The following SRRM2 variants were observed in gnomAD, a reference collection of about 807,000 sequenced individuals.
SRRM2 encodes serine/arginine repetitive matrix protein 2.
In SRRM2, 30 loss-of-function variants were observed where a neutral mutation model predicts 213.8. The ratio of observed to expected loss-of-function variants is 0.14; its 90% CI spans 0.10 to 0.19. The LOEUF (loss-of-function observed/expected upper bound fraction) is 0.19, where lower values mean the gene tolerates loss of function less well. Ranked by LOEUF, SRRM2 falls within the 10% of genes least tolerant of loss-of-function variation. The pLI is 1.00. For missense variants in SRRM2, 4,904 were observed against 3,647.0 expected (o/e 1.34, Z -8.88); for synonymous variants, 2,025 against 1,377.7 (o/e 1.47, Z -10.40).
Position 2,765,777 on chromosome 16 carries a change from C to G in SRRM2, c.5249C>G (p.Ser1750Cys), listed in dbSNP as rs765544927. 2 of 1,614,020 alleles carry G rather than the reference C, an allele frequency of 1.2e-6. No individual in the cohort carries two copies. The highest frequency in any genetic ancestry group is 1.1e-5 in the South Asian group (1 of 91,088). The stretch of plus-strand genomic sequence containing the variant: ...TCACGCCGACGGCGCTCAGCTTCAT[C>G]TCCACGCACTAAGACAACCTCAAGG... ...RSSRRRRSAS[S>C]PRTKTTSRRG... is the part of the protein sequence containing the mutation. Residue 1750 changes from serine to cysteine, a missense_variant, in exon 11 of 15, where the codon TCT becomes TGT. Transcript: ENST00000301740.
chr16:2,761,726 A>C lies in SRRM2; in HGVS notation c.1198A>C (p.Thr400Pro). 2 of 1,609,644 alleles carry C rather than the reference A, an allele frequency of 1.2e-6. No homozygotes were observed. Among genetic ancestry groups the C allele is most frequent in the Non-Finnish European group, 1.7e-6 (2 of 1,177,712 alleles). ...GAACCCCCCATCTGAGGCCTCTCCAACTCGGGACCGTTCACCACCTAAGTC... is the reference window on the plus strand; with the variant it reads ...GAACCCCCCATCTGAGGCCTCTCCACCTCGGGACCGTTCACCACCTAAGTC... ...PVNPPSEASP[T>P]RDRSPPKSPE... is the part of the protein sequence containing the mutation. The change falls in exon 11 of 15, where the codon ACT becomes CCT. Residue 400 changes from threonine to proline, a missense_variant. Coordinates refer to ENST00000301740, the MANE Select transcript of SRRM2 (RefSeq NM_016333.4).
intron 11 of SRRM2, 181 bp downstream of exon 11, chr16:2,768,442 A>G (rs1460155959): frequency 1.0e-5 from 7 of 697,954 alleles, no homozygotes; most frequent in Admixed American, 2.5e-5. Context: ...GAGGAATGGG[A>G]CAGATAAAAG....
rs753489763 is a variant in SRRM2 at position 2,765,787 on chromosome 16, T to C, written c.5259T>C (p.Thr1753=). The C allele has an allele frequency of 1.4e-5, 23 of 1,614,038 alleles. No individual in the cohort carries two copies. Among genetic ancestry groups the C allele is most frequent in the Non-Finnish European group, 1.8e-5 (21 of 1,180,028 alleles). Residue 1753 remains threonine (T), a synonymous_variant, in exon 11 of 15, where the codon ACT becomes ACC. Coordinates refer to ENST00000301740, the MANE Select transcript of SRRM2 (RefSeq NM_016333.4). Reference sequence around the variant, plus strand: ...GGCGCTCAGCTTCATCTCCACGCACTAAGACAACCTCAAGGAGAGGCCGCT... The same window carrying C: ...GGCGCTCAGCTTCATCTCCACGCACCAAGACAACCTCAAGGAGAGGCCGCT... ...RRRRSASSPR[T]KTTSRRGRSP...
rs2068205492 is a variant in SRRM2, at chr16:2,757,951, C to CA, written c.515+8dup. The CA allele has an allele frequency of 6.2e-7, 1 of 1,605,834 alleles. No homozygotes were observed. Among genetic ancestry groups the CA allele is most frequent in the Middle Eastern group, 1.7e-4 (1 of 6,002 alleles). ...GAGCCTCCCAAACCTTACAGGTATA[C>CA]AAGGCCAAGAAACCACTGTCAGCTT... is the stretch of plus-strand genomic sequence containing the variant. On this transcript the variant is annotated splice_region_variant and intron_variant, in intron 4 of 14. Coordinates refer to ENST00000301740, the MANE Select transcript of SRRM2 (RefSeq NM_016333.4).
Position 2,759,126 on chromosome 16 carries a change from C to G in SRRM2, c.657-14C>G, listed in dbSNP as rs1250278550. The G allele has an allele frequency of 3.7e-6, 6 of 1,614,072 alleles. No homozygotes were observed. The highest frequency in any genetic ancestry group is 5.1e-6 in the Non-Finnish European group (6 of 1,180,004). ...AGGTGTTTCTTATGTTTTTTCTTCT[C>G]TTTTTTCCAACAGGTCAGAATCTGA... On this transcript the variant is annotated splice_polypyrimidine_tract_variant and intron_variant, in intron 6 of 14. Transcript: ENST00000301740.
Position 2,765,654 on chromosome 16 carries a change from C to G in SRRM2, c.5126C>G (p.Ser1709Cys). The part of the protein sequence containing the change: ...RKARLSRRSR[S>C]ASSSPETRSR... The stretch of plus-strand genomic sequence containing the variant: ...GCCAGACTGTCCCGTAGAAGCCGCT[C>G]TGCCTCATCCTCACCAGAAACTCGC... Residue 1709 changes from serine to cysteine, a missense_variant, in exon 11 of 15, where the codon TCT becomes TGT. By Grantham distance (112) the Ser-to-Cys change is moderately radical (BLOSUM62 -1). Coordinates refer to ENST00000301740, the MANE Select transcript of SRRM2 (RefSeq NM_016333.4). 3 of 1,614,202 alleles carry G rather than the reference C, an allele frequency of 1.9e-6. No individual in the cohort carries two copies. Among genetic ancestry groups the G allele is most frequent in the Non-Finnish European group, 1.7e-6 (2 of 1,180,024 alleles).
intron 1 of SRRM2, among the ~76,000 whole-genome samples, chr16:2,755,876 A>G (rs1213668417): frequency 6.6e-6 from 1 of 152,096 alleles, no homozygotes; most frequent in African/African-American, 2.4e-5. Flanking sequence ...GGTGCCACAG[A>G]TCTGTGTCTG....
chr16:2,766,136 C>CCAG lies in SRRM2; in HGVS notation c.5610_5612dup (p.Ala1871dup). 6.2e-7 allele frequency: 1 copy of CCAG among 1,614,184 alleles called. No homozygotes were observed. Among genetic ancestry groups the CCAG allele is most frequent in the Non-Finnish European group, 8.5e-7 (1 of 1,180,032 alleles). On this transcript the variant is annotated inframe_insertion, in exon 11 of 15. Transcript: ENST00000301740. The surrounding 1 kb of genome is among the most constrained non-coding windows in gnomAD (Gnocchi z 7.0). ...GAAACGCTCTAGATCTCGAGCCTCT[C>CCAG]CAGCCACTCACCGGCGATCCAGGTC...
chr16:2,761,234 C>T (rs983454082), intron 10 of SRRM2, among the ~76,000 whole-genome samples: 6 of 152,186 alleles, frequency 3.9e-5, no homozygotes, highest in Admixed American at 6.5e-5. Flanking sequence ...AGTTGCCATT[C>T]GCTTTAGGAA....
In SRRM2 at chr16:2,763,659, C is replaced by T. The variant is rs749453949; in HGVS notation, c.3131C>T (p.Pro1044Leu). 3 of 1,614,166 alleles carry T rather than the reference C, an allele frequency of 1.9e-6. No individual in the cohort carries two copies. In the East Asian group the frequency reaches 6.7e-5, roughly 36 times the overall value. The stretch of plus-strand genomic sequence containing the variant: ...TGTGCAGGAGTAAAATCTAGCACAC[C>T]ACCAGGCGAGAGCTATTTTGGTGTC... ...SLCAGVKSSTPPGESYFGVSS... is the reference protein window; with the variant it reads ...SLCAGVKSSTLPGESYFGVSS... The change falls in exon 11 of 15, where the codon CCA becomes CTA. Residue 1044 changes from proline to leucine, a missense_variant. Coordinates refer to ENST00000301740, the MANE Select transcript of SRRM2 (RefSeq NM_016333.4).
chr16:2,768,776 T>C (rs971081786), intron 11 of SRRM2: 9 of 851,374 alleles, frequency 1.1e-5, no homozygotes, highest in African/African-American at 1.7e-5. Flanking sequence ...AGGTTTAACC[T>C]TGATCCCTTA....
chr16:2,756,438 T>A lies in SRRM2; in HGVS notation c.74T>A (p.Leu25Gln). The A allele has an allele frequency of 6.2e-7, 1 of 1,612,744 alleles. No homozygotes were observed. Among genetic ancestry groups the A allele is most frequent in the Non-Finnish European group, 8.5e-7 (1 of 1,179,486 alleles). Residue 25 changes from leucine to glutamine, a missense_variant, in exon 2 of 15, where the codon CTG (leucine) becomes CAG (glutamine). By Grantham distance (113) the Leu-to-Gln change is moderately radical. Transcript: ENST00000301740. ...TNGYVQRNLSLVRGRRGERPD... is the reference protein window; with the variant it reads ...TNGYVQRNLSQVRGRRGERPD... ...GGCTACGTCCAGCGCAACCTGTCCCTGGTGCGGGGCCGCCGGGGTGAGCGG... is the reference window on the plus strand; with the variant it reads ...GGCTACGTCCAGCGCAACCTGTCCCAGGTGCGGGGCCGCCGGGGTGAGCGG...
Position 2,767,518 on chromosome 16 carries a change from A to C in SRRM2, c.6990A>C (p.Pro2330=). 1 of 1,614,016 alleles carries C rather than the reference A, an allele frequency of 6.2e-7. No homozygotes were observed. Among genetic ancestry groups the C allele is most frequent in the South Asian group, 1.1e-5 (1 of 91,074 alleles). ...ACTATCCCTCCAGCTCCAGAACACC[A>C]CAGGCTCCAGCCTCTGCAAACCTGG... The part of the protein sequence containing the change: ...AANYPSSSRT[P]QAPASANLVG... The change falls in exon 11 of 15, where the codon CCA becomes CCC. Residue 2330 remains proline, a synonymous_variant. Transcript: ENST00000301740.
chr16:2,753,007 T>G (rs2067984523), intron 1 of SRRM2, among the ~76,000 whole-genome samples, 161 bp downstream of exon 1: 2 of 144,494 alleles, frequency 1.4e-5, no homozygotes. Context: ...CCTTCCCCCT[T>G]CCCGCCGTTC....
At chr16:2,760,209 A>G (rs2068289735) in intron 9 of SRRM2, 92 bp from the exon 10 acceptor site, 2 of 1,290,332 alleles carry the variant, frequency 1.5e-6, no homozygotes, top group Non-Finnish European at 2.2e-6. Flanking sequence ...TTGTCCAGTT[A>G]GGAAAGGTGG....
Position 2,763,840 on chromosome 16 carries a change from A to G in SRRM2, c.3312A>G (p.Pro1104=). ...GAGGTCGGTCCAGGTCTTCATCTCCAGTCACTGAGCTGGCATCCAGATCTC... is the reference window on the plus strand; with the variant it reads ...GAGGTCGGTCCAGGTCTTCATCTCCGGTCACTGAGCTGGCATCCAGATCTC... ...PKGGRSRSSS[P]VTELASRSPI... The change falls in exon 11 of 15, where the codon CCA becomes CCG. Residue 1104 remains proline, a synonymous_variant. Coordinates refer to ENST00000301740, the MANE Select transcript of SRRM2 (RefSeq NM_016333.4). 6.2e-7 allele frequency: 1 copy of G among 1,614,224 alleles called. No homozygotes were observed. The highest frequency in any genetic ancestry group is 8.5e-7 in the Non-Finnish European group (1 of 1,180,032).
rs567024718 is a variant in SRRM2, at chr16:2,767,973, C to T, written c.7445C>T (p.Thr2482Met). 111 of 1,614,024 alleles carry T rather than the reference C, an allele frequency of 6.9e-5. No individual in the cohort carries two copies. Among genetic ancestry groups the T allele is most frequent in the Non-Finnish European group, 8.6e-5 (101 of 1,180,032 alleles). ...SQSLSSGAVATTTSSAGDHNG... is the reference protein window; with the variant it reads ...SQSLSSGAVAMTTSSAGDHNG... ...TCCCTTTCCTCTGGGGCAGTGGCAACGACCACGTCCTCTGCTGGTGATCAC... is the reference window on the plus strand; with the variant it reads ...TCCCTTTCCTCTGGGGCAGTGGCAATGACCACGTCCTCTGCTGGTGATCAC... Residue 2482 changes from threonine to methionine, a missense_variant, in exon 11 of 15, where the codon ACG becomes ATG. Transcript: ENST00000301740.
intron 2 of SRRM2, 108 bp from the exon 3 acceptor site, chr16:2,757,364 G>C: frequency 1.2e-6 from 1 of 868,386 alleles, no homozygotes; most frequent in South Asian, 1.6e-5. Context: ...GAAAAGTTCT[G>C]TGTGCGCATG....
intron 2 of SRRM2, 68 bp downstream of exon 2, chr16:2,756,674 A>G: frequency 2.0e-5 from 31 of 1,542,386 alleles, no homozygotes; most frequent in Non-Finnish European, 2.5e-5. Flanking sequence ...GGTGGGATGT[A>G]TAGGGAGCTT....
Sources: allele counts gnomAD v4.1 joint callset (sites outside exome capture counted in the v4.1 genomes callset), GRCh38; gene constraint gnomAD v4.1.1; non-coding constraint Gnocchi (gnomAD v3.1); transcripts MANE v1.5; gene names NCBI Gene and HGNC (gene_info 2026-07-23, HGNC 2026-07-21).